RHOH: variants seen among roughly 807,000 people sequenced by gnomAD.
RHOH encodes rho-related GTP-binding protein RhoH.
A neutral mutation model predicts 13.8 loss-of-function variants in RHOH; 6 were observed. The observed-to-expected ratio is 0.44, with a 90% CI of 0.24 to 0.86. The LOEUF is 0.86. Ranked by LOEUF, RHOH falls within the 40% of genes least tolerant of loss-of-function variation. RHOH has a pLI of 0.24. For synonymous variants in RHOH, 117 were observed against 103.0 expected, an observed-to-expected ratio of 1.14 and a Z score of -0.82; for missense variants, 147 against 244.5, an observed-to-expected ratio of 0.60 and a Z score of 2.66.
intron 1 of RHOH, among the ~76,000 whole-genome samples, chr4:40,227,539 C>T (rs1390386179): frequency 1.3e-5 from 2 of 152,154 alleles, no homozygotes; most frequent in East Asian, 1.9e-4. Context: ...GGCATCTCAT[C>T]ATGCTGAGTT....
chr4:40,229,272 C>G (rs952568526), intron 1 of RHOH, among the ~76,000 whole-genome samples: 1 of 152,124 alleles, frequency 6.6e-6, no homozygotes, highest in African/African-American at 2.4e-5. Context: ...GTCACTATAG[C>G]GTAAAGTATA....
upstream of RHOH, among the ~76,000 whole-genome samples, chr4:40,195,752 T>C (rs920127123): frequency 6.6e-6 from 1 of 152,164 alleles, no homozygotes; most frequent in African/African-American, 2.4e-5. Context: ...GCACCTGGCC[T>C]CCCACAGAGG....
chr4:40,204,069 A>G (rs1278659699), intron 1 of RHOH, among the ~76,000 whole-genome samples: 1 of 152,258 alleles, frequency 6.6e-6, no homozygotes, highest in African/African-American at 2.4e-5. Context: ...ATGCCACAAC[A>G]ACATTATATC....
At chr4:40,213,653 C>G (rs1447825374) in intron 1 of RHOH, among the ~76,000 whole-genome samples, 1 of 152,062 alleles carries the variant, frequency 6.6e-6, no homozygotes, top group African/African-American at 2.4e-5. Context: ...CCAGATGGTA[C>G]CTGGGTAGCG....
In RHOH at chr4:40,246,847, A is replaced by T. The variant is rs2109605708; in HGVS notation, c.*2885A>T. 1 of 152,358 alleles carries T rather than the reference A, an allele frequency of 6.6e-6. No homozygotes were observed. Among genetic ancestry groups the T allele is most frequent in the Admixed American group, 6.5e-5 (1 of 15,306 alleles). 9.4% of individuals were successfully genotyped at this position (152,358 alleles called of 1,614,324 possible). On this transcript the variant is annotated 3_prime_UTR_variant, in exon 3 of 3. Transcript: ENST00000381799. ...TACTTTTGCCTGCCTAGATGCAGAC[A>T]CAGGTTTCTTATACTTCAAAATTTG... is the stretch of plus-strand genomic sequence containing the variant.
At chr4:40,196,596 A>G (rs1025226263), upstream of RHOH, among the ~76,000 whole-genome samples, 1 of 152,144 alleles carries the variant, frequency 6.6e-6, no homozygotes, top group Non-Finnish European at 1.5e-5. Flanking sequence ...AGCGAAGCAG[A>G]CAATCCACCT....
At chr4:40,232,256 G>A (rs555059951) in intron 1 of RHOH, among the ~76,000 whole-genome samples, 1 of 152,160 alleles carries the variant, frequency 6.6e-6, no homozygotes, top group Non-Finnish European at 1.5e-5. Context: ...ACAGGGTCTT[G>A]CTTTGTTGCC....
intron 1 of RHOH, among the ~76,000 whole-genome samples, chr4:40,211,990 C>T (rs1256959071): frequency 3.3e-5 from 5 of 152,078 alleles, no homozygotes; most frequent in South Asian, 2.1e-4. Context: ...CTGAGTCATC[C>T]GATGCTTTAA....
intron 1 of RHOH, chr4:40,212,934 A>G (rs2280307): frequency 0.66 from 100,893 of 152,126 alleles, 33,669 homozygotes; most frequent in Admixed American, 0.71. Context: ...TTCCTTTGCC[A>G]TCTCCCTATA....
chr4:40,216,027 G>A (rs1283520668), intron 1 of RHOH, among the ~76,000 whole-genome samples: 4 of 152,028 alleles, frequency 2.6e-5, no homozygotes, highest in Non-Finnish European at 5.9e-5. Context: ...TGAAGCCATC[G>A]GAACTGCAGC....
intron 1 of RHOH, among the ~76,000 whole-genome samples, chr4:40,221,984 G>A (rs147289512): frequency 3.3e-5 from 5 of 152,218 alleles, no homozygotes; most frequent in Non-Finnish European, 7.4e-5. Context: ...TAGTGGTCTG[G>A]GTAGAAGATC....
At chr4:40,240,480 A>G (rs1281620054) in intron 1 of RHOH, 1 of 151,178 alleles carries the variant, frequency 6.6e-6, no homozygotes, top group Non-Finnish European at 1.5e-5. Context: ...CAAAAAATAA[A>G]TAAAGGTGGC....
In RHOH at chr4:40,243,851, C is replaced by A; in HGVS notation, c.465C>A (p.Ser155Arg). The A allele has an allele frequency of 6.2e-7, 1 of 1,614,166 alleles. No individual in the cohort carries two copies. Among genetic ancestry groups the A allele is most frequent in the African/African-American group, 1.3e-5 (1 of 75,052 alleles). Residue 155 changes from serine (S) to arginine (R), a missense_variant, in exon 3 of 3, where the codon AGC becomes AGA. By Grantham distance (110) the Ser-to-Arg change is moderately radical. Around this residue, in one of 3 missense-constraint regions of RHOH, gnomAD observed 31 missense variants for 61.8 expected, o/e 0.50. Transcript: ENST00000381799. The surrounding 1 kb of genome is among the most constrained non-coding windows in gnomAD (Gnocchi z 6.2). ...AKGYLECSAL[S>R]NRGVQQVFEC... ...GCTACCTGGAGTGCTCAGCCCTTAGCAATCGGGGAGTACAGCAGGTGTTTG... is the reference window on the plus strand; with the variant it reads ...GCTACCTGGAGTGCTCAGCCCTTAGAAATCGGGGAGTACAGCAGGTGTTTG...
chr4:40,234,196 G>A (rs1169551150), intron 1 of RHOH, among the ~76,000 whole-genome samples: 2 of 152,174 alleles, frequency 1.3e-5, no homozygotes, highest in Middle Eastern at 3.4e-3. Context: ...TGGTAAACAA[G>A]ATCCACATTC....
chr4:40,230,652 C>T (rs1335501500), intron 1 of RHOH, among the ~76,000 whole-genome samples: 2 of 151,998 alleles, frequency 1.3e-5, no homozygotes, highest in Non-Finnish European at 2.9e-5. Flanking sequence ...AGCCACCGCG[C>T]CTGGCTCTCA....
chr4:40,215,975 C>G (rs369210237), intron 1 of RHOH, among the ~76,000 whole-genome samples: 7 of 151,938 alleles, frequency 4.6e-5, no homozygotes, highest in Non-Finnish European at 1.0e-4. Context: ...TTTTTCCACC[C>G]TGGGTGGACT....
intron 1 of RHOH, among the ~76,000 whole-genome samples, chr4:40,233,334 C>A (rs1020356132): frequency 6.7e-6 from 1 of 148,268 alleles, no homozygotes; most frequent in South Asian, 2.1e-4. Context: ...AGTTAAGTGA[C>A]CTTTATGAGA....
At chr4:40,233,466 G>A (rs1373371640) in intron 1 of RHOH, among the ~76,000 whole-genome samples, 1 of 148,230 alleles carries the variant, frequency 6.7e-6, no homozygotes, top group East Asian at 1.9e-4. Context: ...TTGCCCCAAG[G>A]TCACACATTT....
rs1729501386 is a variant in RHOH, at chr4:40,243,469, C to A, written c.83C>A (p.Thr28Asn). 3.7e-6 allele frequency: 6 copies of A among 1,613,968 alleles called. No homozygotes were observed. In the East Asian group the frequency reaches 1.3e-4, roughly 36 times the overall value. ...TSLLVRFTSE[T>N]FPEAYKPTVY... is the part of the protein sequence containing the mutation. Reference sequence around the variant, plus strand: ...CTGTTGGTGCGCTTCACCTCCGAGACCTTCCCGGAGGCCTACAAGCCCACA... The same window carrying A: ...CTGTTGGTGCGCTTCACCTCCGAGAACTTCCCGGAGGCCTACAAGCCCACA... The change falls in exon 3 of 3, where the codon ACC (threonine) becomes AAC (asparagine). Residue 28 changes from threonine (T) to asparagine (N), a missense_variant. Transcript: ENST00000381799. This position sits in a 1 kb window ranked among gnomAD's most constrained non-coding sequence, Gnocchi z 6.2.
Sources: gnomAD v4.1 joint callset for allele counts (sites outside exome capture counted in the v4.1 genomes callset) on GRCh38, gnomAD v4.1.1 for gene constraint, gnomAD v4.1.1 regional missense constraint, Gnocchi (gnomAD v3.1) non-coding constraint, MANE v1.5 for transcripts, NCBI Gene and HGNC (gene_info 2026-07-23, HGNC 2026-07-21) for gene names.